The following LHFPL3 variants were observed in gnomAD, a reference collection of about 807,000 sequenced individuals.
LHFPL3 encodes the protein LHFPL tetraspan subfamily member 3.
LHFPL3 carries 5 observed loss-of-function variants against 19.3 expected under a neutral mutation model. The observed-to-expected ratio is 0.26, with a 90% confidence interval of 0.14 to 0.54. The LOEUF is 0.54. Ranked by LOEUF, LHFPL3 falls within the 20% of genes least tolerant of loss-of-function variation. The pLI is 0.94. For missense variants in LHFPL3, 249 were observed against 307.4 expected (o/e 0.81, Z 1.42); for synonymous variants, 133 against 126.2 (o/e 1.05, Z -0.36).
At chr7:104,824,762 A>ATT (rs1159078078) in intron 2 of LHFPL3, among the ~76,000 whole-genome samples, 8 of 31,518 alleles carry the variant, frequency 2.5e-4, no homozygotes, top group East Asian at 1.3e-3. Context: ...TATTATATAT[A>ATT]ATATATTATA....
chr7:104,864,337 A>G (rs1267256761), intron 2 of LHFPL3, among the ~76,000 whole-genome samples: 1 of 150,608 alleles, frequency 6.6e-6, no homozygotes, highest in Admixed American at 6.6e-5. Context: ...CAGGAAGTGC[A>G]AGGGGTCAGG....
intron 1 of LHFPL3, among the ~76,000 whole-genome samples, chr7:104,499,404 G>A (rs1176563079): frequency 6.6e-6 from 1 of 152,178 alleles, no homozygotes; most frequent in Non-Finnish European, 1.5e-5. Context: ...ATTTTTGTTA[G>A]CATTTGCTCT....
chr7:104,844,296 G>C (rs1361508069), intron 2 of LHFPL3, among the ~76,000 whole-genome samples: 1 of 152,258 alleles, frequency 6.6e-6, no homozygotes, highest in Non-Finnish European at 1.5e-5. Context: ...TTGAGAAAAT[G>C]CAAGACAACA....
intron 1 of LHFPL3, among the ~76,000 whole-genome samples, chr7:104,341,898 A>AT (rs199796929): frequency 6.0e-5 from 8 of 132,242 alleles, no homozygotes; most frequent in East Asian, 4.2e-4. Context: ...CTGAAAAAGA[A>AT]TAAAAAAAAG....
At chr7:104,727,310 T>C (rs1793610236) in intron 1 of LHFPL3, among the ~76,000 whole-genome samples, 1 of 152,172 alleles carries the variant, frequency 6.6e-6, no homozygotes, top group South Asian at 2.1e-4. Flanking sequence ...TTCTTCTGTA[T>C]GGAAGCTCTT....
intron 1 of LHFPL3, among the ~76,000 whole-genome samples, chr7:104,544,442 CATT>C (rs1012797362): frequency 3.3e-5 from 5 of 152,138 alleles, no homozygotes; most frequent in African/African-American, 1.2e-4. Flanking sequence ...AAATTTGAAA[CATT>C]ATGGGGTTAG....
chr7:104,702,753 C>T (rs1793126860), intron 1 of LHFPL3, among the ~76,000 whole-genome samples: 1 of 152,216 alleles, frequency 6.6e-6, no homozygotes, highest in Non-Finnish European at 1.5e-5. Context: ...CTACTTTCTA[C>T]TCATATCACA....
chr7:104,757,683 A>G (rs1348984190), intron 2 of LHFPL3: 1 of 152,622 alleles, frequency 6.6e-6, no homozygotes, highest in Non-Finnish European at 1.5e-5. Context: ...AATGGCCATT[A>G]ATAAAAAGAC....
chr7:104,495,083 C>T (rs1793434941), intron 1 of LHFPL3, among the ~76,000 whole-genome samples: 1 of 152,108 alleles, frequency 6.6e-6, no homozygotes, highest in Non-Finnish European at 1.5e-5. Flanking sequence ...ACTCTGTTTC[C>T]TCTCTACTTC....
At chr7:104,793,687 A>G (rs760230898) in intron 2 of LHFPL3, among the ~76,000 whole-genome samples, 5 of 152,128 alleles carry the variant, frequency 3.3e-5, no homozygotes, top group Non-Finnish European at 7.4e-5. Context: ...TAGCAACTTA[A>G]CTCTAGTAGC....
At chr7:104,582,452 T>G (rs187075201) in intron 1 of LHFPL3, among the ~76,000 whole-genome samples, 116 of 152,134 alleles carry the variant, frequency 7.6e-4, no homozygotes, top group Middle Eastern at 3.4e-3. Context: ...TCTTTGCCTT[T>G]TATTTATTTT....
intron 1 of LHFPL3, among the ~76,000 whole-genome samples, chr7:104,584,774 G>C (rs573685107): frequency 6.6e-6 from 1 of 152,216 alleles, no homozygotes; most frequent in South Asian, 2.1e-4. Flanking sequence ...CAAACTAAAA[G>C]AATCAGCAGG....
At chr7:104,815,077 G>C (rs1392253471) in intron 2 of LHFPL3, among the ~76,000 whole-genome samples, 1 of 152,138 alleles carries the variant, frequency 6.6e-6, no homozygotes, top group African/African-American at 2.4e-5. Context: ...GCCCAGGAAA[G>C]TGGGACTCCC....
intron 1 of LHFPL3, among the ~76,000 whole-genome samples, chr7:104,388,271 A>G (rs908638678): frequency 6.6e-6 from 1 of 152,210 alleles, no homozygotes; most frequent in Admixed American, 6.5e-5. Flanking sequence ...TCTTTATGGT[A>G]TAATGATTTA....
chr7:104,828,295 C>A (rs1790865229), intron 2 of LHFPL3, among the ~76,000 whole-genome samples: 1 of 151,930 alleles, frequency 6.6e-6, no homozygotes, highest in Non-Finnish European at 1.5e-5. Flanking sequence ...GCTCCTGAGT[C>A]TCTGTCCCCA....
intron 1 of LHFPL3, among the ~76,000 whole-genome samples, chr7:104,477,148 C>T (rs1391620088): frequency 6.6e-6 from 1 of 152,074 alleles, no homozygotes; most frequent in Non-Finnish European, 1.5e-5. Context: ...TGCCACCATG[C>T]CCAGCTATAT....
chr7:104,409,571 A>G (rs1276404744), intron 1 of LHFPL3, among the ~76,000 whole-genome samples: 1 of 152,112 alleles, frequency 6.6e-6, no homozygotes, highest in Non-Finnish European at 1.5e-5. Flanking sequence ...AGCTGTGACC[A>G]TGCCACTGCA....
chr7:104,848,106 AG>A (rs1331053275), intron 2 of LHFPL3, among the ~76,000 whole-genome samples: 1 of 152,216 alleles, frequency 6.6e-6, no homozygotes, highest in African/African-American at 2.4e-5. Context: ...AAGTATTACC[AG>A]GATAGAATTT....
At chr7:104,458,121 A>T (rs1416459059) in intron 1 of LHFPL3, among the ~76,000 whole-genome samples, 13 of 151,442 alleles carry the variant, frequency 8.6e-5, no homozygotes, top group Middle Eastern at 3.2e-3. Flanking sequence ...TTAGTTTAAT[A>T]AGATCCCATT....
Sources: gnomAD v4.1 joint callset for allele counts (sites outside exome capture counted in the v4.1 genomes callset) on GRCh38, gnomAD v4.1.1 for gene constraint, MANE v1.5 for transcripts, NCBI Gene and HGNC (gene_info 2026-07-23, HGNC 2026-07-21) for gene names.